The following CPPED1 variants were observed in gnomAD, a reference collection of about 807,000 sequenced individuals.
The protein encoded by CPPED1 is serine/threonine-protein phosphatase CPPED1.
CPPED1 carries 28 observed loss-of-function variants against 28.0 expected under a neutral mutation model. The ratio of observed to expected loss-of-function variants is 1.00; its 90% CI spans 0.74 to 1.37. The LOEUF is 1.37. CPPED1 is among the 40% of genes most tolerant of loss of function. CPPED1 has a pLI of 0.00. For missense variants in CPPED1, 504 were observed against 416.5 expected (o/e 1.21, Z -1.83); for synonymous variants, 198 against 180.2 (o/e 1.10, Z -0.79).
intron 2 of CPPED1, among the ~76,000 whole-genome samples, chr16:12,780,044 C>A (rs1235252176): frequency 6.6e-6 from 1 of 152,124 alleles, no homozygotes; most frequent in Non-Finnish European, 1.5e-5. Flanking sequence ...GTTGAATTTC[C>A]AACATCTCAC....
chr16:12,788,010 T>C (rs1435434836), intron 1 of CPPED1, among the ~76,000 whole-genome samples: 1 of 152,236 alleles, frequency 6.6e-6, no homozygotes, highest in Non-Finnish European at 1.5e-5. Context: ...GTTGTAGGAC[T>C]GATGGCTTCA....
chr16:12,717,895 G>A (rs1407096654), intron 2 of CPPED1, among the ~76,000 whole-genome samples: 4 of 152,072 alleles, frequency 2.6e-5, no homozygotes, highest in Non-Finnish European at 5.9e-5. Flanking sequence ...GCTCACCTCC[G>A]CCTCTCAAAG....
chr16:12,666,776 T>G (rs1237679466), intron 3 of CPPED1, among the ~76,000 whole-genome samples: 1 of 152,240 alleles, frequency 6.6e-6, no homozygotes, highest in Non-Finnish European at 1.5e-5. Flanking sequence ...TTTTGAGTAT[T>G]TATTACCTTT....
chr16:12,786,911 C>T (rs1216767906), intron 1 of CPPED1, among the ~76,000 whole-genome samples: 3 of 152,084 alleles, frequency 2.0e-5, no homozygotes, highest in Admixed American at 2.0e-4. Context: ...GACTCCATCT[C>T]AAAAGTAAGA....
intron 2 of CPPED1, among the ~76,000 whole-genome samples, chr16:12,777,903 C>CTT (rs67527035): frequency 2.1e-4 from 27 of 126,600 alleles, no homozygotes; most frequent in Admixed American, 3.2e-4. Context: ...TTTCTATTTT[C>CTT]TTTTTTTTTT....
At chr16:12,770,860 GAAGGA>G (rs371173782) in intron 2 of CPPED1, among the ~76,000 whole-genome samples, 14 of 93,928 alleles carry the variant, frequency 1.5e-4, no homozygotes, top group Non-Finnish European at 2.0e-4. Context: ...GAAAGGGAGA[GAAGGA>G]AAGGAAAGGA....
intron 3 of CPPED1, among the ~76,000 whole-genome samples, chr16:12,687,760 T>C (rs1467150812): frequency 1.3e-5 from 2 of 152,150 alleles, no homozygotes; most frequent in East Asian, 1.9e-4. Context: ...CTCCTGTGTA[T>C]TGATGGATTA....
intron 3 of CPPED1, among the ~76,000 whole-genome samples, chr16:12,676,589 C>G (rs137887512): frequency 6.6e-6 from 1 of 152,122 alleles, no homozygotes; most frequent in Non-Finnish European, 1.5e-5. Context: ...GAAGCACAGG[C>G]TCTGTCCACC....
At chr16:12,797,951 T>C (rs906568171) in intron 1 of CPPED1, among the ~76,000 whole-genome samples, 1 of 151,796 alleles carries the variant, frequency 6.6e-6, no homozygotes, top group Non-Finnish European at 1.5e-5. Context: ...GGCATGGTGG[T>C]GCACGCCTGT....
In CPPED1 at chr16:12,789,847, A is replaced by G. The variant is rs553512299; in HGVS notation, c.71-8444T>C. Among the ~76,000 whole-genome samples the G allele has an allele frequency of 1.2e-4, 18 of 152,258 alleles. No homozygotes were observed. In the East Asian group the frequency reaches 3.1e-3, roughly 26 times the overall value. On this transcript the variant is annotated intron_variant, in intron 1 of 3. Transcript: ENST00000381774. ...CAGCCTGGTTGCCATAATTTTCTAA[A>G]TCGAATTATAAAATTAACTTTGAAA... is the stretch of plus-strand genomic sequence containing the variant.
chr16:12,719,314 C>G (rs1044012172), intron 2 of CPPED1, among the ~76,000 whole-genome samples: 13 of 151,774 alleles, frequency 8.6e-5, no homozygotes, highest in African/African-American at 3.1e-4. Flanking sequence ...TGGCGTGAAC[C>G]CAGGAGGCGG....
rs148263007 is a variant in CPPED1, at chr16:12,742,015, G to A, written c.290-36966C>T. On this transcript the variant is annotated intron_variant, in intron 2 of 3. Transcript: ENST00000381774. Reference sequence around the variant, plus strand: ...TGGGAGGGGGAGGTCACAGTGAGTCGAGATCAGACCACTGCACTCCAGCCT... The same window carrying A: ...TGGGAGGGGGAGGTCACAGTGAGTCAAGATCAGACCACTGCACTCCAGCCT... 6.7e-3 allele frequency among the ~76,000 whole-genome samples: 1,013 copies of A among 152,044 alleles called. 6 individuals carry two copies. The highest frequency in any genetic ancestry group is 0.011 in the East Asian group (57 of 5,172).
intron 2 of CPPED1, among the ~76,000 whole-genome samples, chr16:12,768,887 C>T (rs564178355): frequency 5.2e-5 from 7 of 133,750 alleles, no homozygotes; most frequent in Admixed American, 1.6e-4. Context: ...TTTTTTGAGA[C>T]GGAGTTTCAC....
rs151096127 is a variant in CPPED1 at position 12,735,302 on chromosome 16, A to T, written c.290-30253T>A. On this transcript the variant is annotated intron_variant, in intron 2 of 3. Coordinates refer to ENST00000381774, the MANE Select transcript of CPPED1 (RefSeq NM_018340.3). ...TGGCCCCTTCCCCAAAAATATATAT[A>T]TTTTTTTTAGATGGAGTCTTGCTCT... Among the ~76,000 whole-genome samples, 1,053 of 152,062 alleles carry T rather than the reference A, an allele frequency of 6.9e-3. 7 individuals carry two copies. Among genetic ancestry groups the T allele is most frequent in the Middle Eastern group, 0.048 (14 of 294 alleles).
At chr16:12,715,944 G>A (rs894467996) in intron 2 of CPPED1, among the ~76,000 whole-genome samples, 1 of 152,194 alleles carries the variant, frequency 6.6e-6, no homozygotes, top group African/African-American at 2.4e-5. Context: ...GTGGCCCAGG[G>A]AAGCCAAAAG....
At chr16:12,779,172 T>C (rs1349731300) in intron 2 of CPPED1, among the ~76,000 whole-genome samples, 3 of 152,186 alleles carry the variant, frequency 2.0e-5, no homozygotes, top group Admixed American at 1.3e-4. Context: ...CATTCTGTTT[T>C]TAAAGAGAAG....
chr16:12,685,778 G>A lies in CPPED1; in HGVS notation c.715+18846C>T, dbSNP rs150837637. On this transcript the variant is annotated intron_variant, in intron 3 of 3. Transcript: ENST00000381774. The stretch of plus-strand genomic sequence containing the variant: ...GCAGCTGTGACAATTCTCCTACCAC[G>A]GCCACCCAGGGTCTGGGCAGGAACC... 2.1e-3 allele frequency among the ~76,000 whole-genome samples: 326 copies of A among 152,314 alleles called. 1 individual carries two copies. The highest frequency in any genetic ancestry group is 6.8e-3 in the Middle Eastern group (2 of 294).
At chr16:12,777,983 C>T (rs2080507891) in intron 2 of CPPED1, among the ~76,000 whole-genome samples, 1 of 147,312 alleles carries the variant, frequency 6.8e-6, no homozygotes, top group Admixed American at 6.9e-5. Context: ...AGTCTTGGCT[C>T]ACTGGATTCT....
intron 2 of CPPED1, among the ~76,000 whole-genome samples, chr16:12,742,454 G>A (rs937373215): frequency 2.0e-5 from 3 of 152,186 alleles, no homozygotes; most frequent in African/African-American, 7.2e-5. Flanking sequence ...ACCTTAAATA[G>A]ATATGGGAAA....
Sources: allele counts gnomAD v4.1 joint callset (sites outside exome capture counted in the v4.1 genomes callset), GRCh38; gene constraint gnomAD v4.1.1; transcripts MANE v1.5; gene names NCBI Gene and HGNC (gene_info 2026-07-23, HGNC 2026-07-21).